Variants in ERC2 observed in about 807,000 individuals in gnomAD.
ERC2 encodes ELKS/RAB6-interacting/CAST family member 2.
A neutral mutation model predicts 114.8 loss-of-function variants in ERC2; 42 were observed. That is an observed-to-expected ratio of 0.37 (90% CI 0.29 to 0.47). The LOEUF (loss-of-function observed/expected upper bound fraction) is 0.47, where lower values mean the gene tolerates loss of function less well. Ranked by LOEUF, ERC2 falls within the 20% of genes least tolerant of loss-of-function variation. ERC2 has a pLI of 0.99. For missense variants in ERC2, 939 were observed against 1,150.7 expected, an observed-to-expected ratio of 0.82 and a Z score of 2.66; for synonymous variants, 454 against 425.5, an observed-to-expected ratio of 1.07 and a Z score of -0.82.
intron 15 of ERC2, among the ~76,000 whole-genome samples, chr3:55,716,469 G>A (rs1293256464): frequency 6.6e-6 from 1 of 152,176 alleles, no homozygotes; most frequent in African/African-American, 2.4e-5. Flanking sequence ...CAGAAGGCCT[G>A]AGCCAAATGG....
intron 2 of ERC2, among the ~76,000 whole-genome samples, chr3:56,413,579 C>T (rs1403126425): frequency 6.6e-6 from 1 of 152,158 alleles, no homozygotes; most frequent in Admixed American, 6.5e-5. Flanking sequence ...AGTGCATAGT[C>T]CCCTTGGTCA....
At chr3:56,409,516 A>AG (rs1023028003) in intron 2 of ERC2, among the ~76,000 whole-genome samples, 1 of 144,076 alleles carries the variant, frequency 6.9e-6, no homozygotes, top group East Asian at 2.4e-4. Flanking sequence ...AAAGCTAGAC[A>AG]GAAAAAAAAA....
chr3:56,139,784 C>G lies in ERC2; in HGVS notation c.1306-108G>C, dbSNP rs1475655798. 1.2e-5 allele frequency: 15 copies of G among 1,250,462 alleles called. No homozygotes were observed. The Admixed American group carries it at 3.5e-4, about 29-fold the overall frequency. The allele number at this position is 1,250,462 out of a possible 1,614,324, so 77.5% of individuals were successfully genotyped here. A position where few individuals can be genotyped will look rare whatever the true frequency, so the allele number is the denominator to read the frequency against. On this transcript the variant is annotated intron_variant, in intron 5 of 17. Coordinates refer to ENST00000288221, the MANE Select transcript of ERC2 (RefSeq NM_015576.3). ...TTTCAGCAGCCAGTGATCAATAATC[C>G]AACAAGGCAGGCCACGAATTTGCTT...
chr3:56,228,507 A>G (rs745915477), intron 3 of ERC2, among the ~76,000 whole-genome samples: 3 of 152,188 alleles, frequency 2.0e-5, no homozygotes, highest in Non-Finnish European at 2.9e-5. Context: ...CTTAAGTTTC[A>G]TCCATGTCTA....
chr3:56,040,402 C>A (rs1286234963), intron 7 of ERC2, among the ~76,000 whole-genome samples: 2 of 150,684 alleles, frequency 1.3e-5, no homozygotes, highest in Non-Finnish European at 3.0e-5. Context: ...TCACCTAGGC[C>A]GGAGTGCAGT....
intron 17 of ERC2, among the ~76,000 whole-genome samples, chr3:55,672,404 A>G (rs962918601): frequency 1.3e-5 from 2 of 151,716 alleles, no homozygotes; most frequent in Non-Finnish European, 2.9e-5. Context: ...CACCTTAGGG[A>G]ATTACTACTA....
At chr3:56,035,121 T>C (rs996420661) in intron 7 of ERC2, among the ~76,000 whole-genome samples, 1 of 151,932 alleles carries the variant, frequency 6.6e-6, no homozygotes, top group South Asian at 2.1e-4. Flanking sequence ...AATAAAATTA[T>C]AAATGAAAGA....
At chr3:55,685,765 A>G (rs1198499979) in intron 16 of ERC2, among the ~76,000 whole-genome samples, 1 of 152,210 alleles carries the variant, frequency 6.6e-6, no homozygotes, top group Non-Finnish European at 1.5e-5. Context: ...GATTTGCCAA[A>G]GTCACAAAGC....
chr3:55,599,188 C>A (rs1315796541), intron 17 of ERC2, among the ~76,000 whole-genome samples: 1 of 152,106 alleles, frequency 6.6e-6, no homozygotes, highest in African/African-American at 2.4e-5. Flanking sequence ...CCAGAAGAAG[C>A]CTGACACCTT....
intron 14 of ERC2, among the ~76,000 whole-genome samples, chr3:55,819,239 C>T (rs1444784234): frequency 1.3e-5 from 2 of 152,202 alleles, no homozygotes; most frequent in Non-Finnish European, 1.5e-5. Flanking sequence ...TGGGTCACCG[C>T]TTTGAGTGAA....
intron 7 of ERC2, among the ~76,000 whole-genome samples, chr3:56,026,057 C>CTTTTTTTTTTTTT (rs59635680): frequency 1.4e-5 from 1 of 69,210 alleles, no homozygotes; most frequent in Non-Finnish European, 2.7e-5. Flanking sequence ...CCGTTTCTTT[C>CTTTTTTTTTTTTT]TTTTTTTTTT....
chr3:55,982,895 G>A (rs1362639264), intron 12 of ERC2, among the ~76,000 whole-genome samples: 1 of 152,248 alleles, frequency 6.6e-6, no homozygotes, highest in Admixed American at 6.5e-5. Flanking sequence ...ACAGTGTTCA[G>A]CTTTGGGGAA....
intron 14 of ERC2, among the ~76,000 whole-genome samples, chr3:55,848,445 G>A (rs373438885): frequency 5.3e-5 from 8 of 152,014 alleles, no homozygotes; most frequent in African/African-American, 1.7e-4. Context: ...CCTTCACACC[G>A]CAGAGGCATC....
In ERC2 at chr3:55,831,368, G is replaced by T. The variant is rs72877168; in HGVS notation, c.2564+57021C>A. Among the ~76,000 whole-genome samples, 3 of 67,332 alleles carry T rather than the reference G, an allele frequency of 4.5e-5. No homozygotes were observed. In the South Asian group the frequency reaches 3.8e-3, roughly 85 times the overall value. 44.2% of individuals were successfully genotyped at this position (67,332 alleles called of 152,430 possible). A position where few individuals can be genotyped will look rare whatever the true frequency, so the allele number is the denominator to read the frequency against. ...GGAGGGGAGGGGAGAGAAGGGGAGG[G>T]GAAGGGAAGGGAAGGGAAGGAAGGG... On this transcript the variant is annotated intron_variant, in intron 14 of 17. Coordinates refer to ENST00000288221, the MANE Select transcript of ERC2 (RefSeq NM_015576.3).
At chr3:56,404,329 A>G (rs1489692147) in intron 2 of ERC2, among the ~76,000 whole-genome samples, 1 of 152,154 alleles carries the variant, frequency 6.6e-6, no homozygotes, top group Non-Finnish European at 1.5e-5. Flanking sequence ...TCATCCCTAG[A>G]AATTCCCTAT....
At chr3:56,102,402 T>C (rs1390475221) in intron 6 of ERC2, among the ~76,000 whole-genome samples, 21 of 152,152 alleles carry the variant, frequency 1.4e-4, no homozygotes, top group Non-Finnish European at 2.9e-4. Context: ...TATTTTGATA[T>C]CTTTAAGAAA....
At chr3:56,461,597 T>C (rs1319902907) in intron 1 of ERC2, among the ~76,000 whole-genome samples, 1 of 152,180 alleles carries the variant, frequency 6.6e-6, no homozygotes, top group African/African-American at 2.4e-5. Flanking sequence ...CTACCACAGA[T>C]GATATTAAGA....
chr3:55,620,715 C>T lies in ERC2; in HGVS notation c.*39+63079G>A, dbSNP rs548592470. ...GACTCTGAAACACCACTGCCTTTAA[C>T]TCCCAGGGATCAGGAACTTGAAAGC... On this transcript the variant is annotated intron_variant, in intron 17 of 17. Coordinates refer to ENST00000288221, the MANE Select transcript of ERC2 (RefSeq NM_015576.3). Among the ~76,000 whole-genome samples the T allele has an allele frequency of 4.6e-5, 7 of 152,274 alleles. No individual in the cohort carries two copies. In the East Asian group the frequency reaches 1.4e-3, roughly 29 times the overall value.
At chr3:56,252,757 C>CAAAAAAAAAAAAAAAAAAAAAAAA (rs71099628) in intron 3 of ERC2, among the ~76,000 whole-genome samples, 2 of 74,194 alleles carry the variant, frequency 2.7e-5, no homozygotes, top group African/African-American at 1.1e-4. Context: ...AACTCTGTCT[C>CAAAAAAAAAAAAAAAAAAAAAAAA]AAAAAAAAAA....
Sources: gnomAD v4.1 joint callset for allele counts (sites outside exome capture counted in the v4.1 genomes callset) on GRCh38, gnomAD v4.1.1 for gene constraint, MANE v1.5 for transcripts, NCBI Gene and HGNC (gene_info 2026-07-23, HGNC 2026-07-21) for gene names.